Variants in ALK observed in about 807,000 individuals in gnomAD.
ALK encodes the protein ALK tyrosine kinase receptor.
ALK carries 74 observed loss-of-function variants against 163.1 expected under a neutral mutation model. The ratio of observed to expected loss-of-function variants is 0.45; its 90% confidence interval spans 0.38 to 0.55. ALK has a LOEUF of 0.55. Ranked by LOEUF, ALK falls within the 20% of genes least tolerant of loss-of-function variation. The pLI, the probability that ALK is intolerant of heterozygous loss-of-function variation, is 0.00. For synonymous variants in ALK, 960 were observed against 843.2 expected, an observed-to-expected ratio of 1.14 and a Z score of -2.40; for missense variants, 2,063 against 2,105.3, an observed-to-expected ratio of 0.98 and a Z score of 0.39.
chr2:29,612,219 TG>T (rs763676538), intron 3 of ALK, among the ~76,000 whole-genome samples: 1 of 152,214 alleles, frequency 6.6e-6, no homozygotes, highest in Non-Finnish European at 1.5e-5. Flanking sequence ...ATCTCAGTAG[TG>T]TGCTAATAGC....
chr2:29,228,961 C>G lies in ALK; in HGVS notation c.2738G>C (p.Trp913Ser), dbSNP rs1280277994. 1.9e-6 allele frequency: 3 copies of G among 1,603,736 alleles called. No individual in the cohort carries two copies. Among genetic ancestry groups the G allele is most frequent in the South Asian group, 2.2e-5 (2 of 90,744 alleles). ...GAAACCCCCTCTTGTCTCCCACCCC[C>G]ACTTCTTCATGGCCTGGGGGCAGGA... The part of the protein sequence containing the change: ...GHSCPQAMKK[W>S]GWETRGGFGG... The change falls in exon 16 of 29, where the codon TGG becomes TCG. Residue 913 changes from tryptophan to serine, a missense_variant. Trp to Ser is a radical substitution (Grantham distance 177, BLOSUM62 -3). Around this residue, in one of 5 missense-constraint regions of ALK, gnomAD observed 575 missense variants for 626.6 expected, o/e 0.92. Coordinates refer to ENST00000389048, the MANE Select transcript of ALK (RefSeq NM_004304.5).
At chr2:29,472,297 G>C (rs1341646605) in intron 4 of ALK, among the ~76,000 whole-genome samples, 1 of 152,168 alleles carries the variant, frequency 6.6e-6, no homozygotes. Context: ...TGTGAAGCAG[G>C]GGCAAGCCTT....
intron 11 of ALK, among the ~76,000 whole-genome samples, chr2:29,261,006 G>A (rs967783113): frequency 6.6e-6 from 1 of 151,920 alleles, no homozygotes; most frequent in Non-Finnish European, 1.5e-5. Flanking sequence ...CTCCAAGTGG[G>A]CCCTTTCCTG....
In ALK at chr2:29,872,696, G is replaced by A. The variant is rs186632260; in HGVS notation, c.667+47297C>T. Among the ~76,000 whole-genome samples, 915 of 152,290 alleles carry A rather than the reference G, an allele frequency of 6.0e-3. 6 individuals are homozygous for A. Among genetic ancestry groups the A allele is most frequent in the South Asian group, 0.012 (58 of 4,822 alleles). ...TTGAAGTACAGTTTCTACTGACTAC[G>A]TATCACTTTTGCATTATTATAAAGT... On this transcript the variant is annotated intron_variant, in intron 1 of 28. Transcript: ENST00000389048.
At position 29,595,837 on chromosome 2, in the gene ALK, G is replaced by C. The variant is rs184273530; in HGVS notation, c.953-63721C>G. 9.2e-5 allele frequency among the ~76,000 whole-genome samples: 14 copies of C among 152,312 alleles called. No homozygotes were observed. The East Asian group carries it at 2.3e-3, about 25-fold the overall frequency. On this transcript the variant is annotated intron_variant, in intron 3 of 28. Coordinates refer to ENST00000389048, the MANE Select transcript of ALK (RefSeq NM_004304.5). ...GGTAGCTCAGAAGGGGAGGCACAGG[G>C]AATAAGTTTTCTGAAGCTGAGAGAA... is the stretch of plus-strand genomic sequence containing the variant.
Position 29,272,682 on chromosome 2 carries a change from C to T in ALK, c.2041+2417G>A, listed in dbSNP as rs576646251. ...CCCAGCAGAAACTGACAGCTTTGAA[C>T]TTTGGAAAGAAAAATCTTATTATCC... On this transcript the variant is annotated intron_variant, in intron 11 of 28. Coordinates refer to ENST00000389048, the MANE Select transcript of ALK (RefSeq NM_004304.5). Among the ~76,000 whole-genome samples the T allele has an allele frequency of 6.2e-4, 94 of 152,348 alleles. 1 individual carries two copies. The highest frequency in any genetic ancestry group is 2.1e-3 in the African/African-American group (86 of 41,582).
chr2:29,896,363 T>C (rs1206731279), intron 1 of ALK, among the ~76,000 whole-genome samples: 1 of 152,114 alleles, frequency 6.6e-6, no homozygotes, highest in Non-Finnish European at 1.5e-5. Context: ...GTCACGTTCA[T>C]TCATCTGTTG....
intron 3 of ALK, among the ~76,000 whole-genome samples, chr2:29,594,990 G>T (rs1011455296): frequency 1.3e-4 from 20 of 150,308 alleles, no homozygotes; most frequent in Admixed American, 9.4e-4. Context: ...TTATTTACAA[G>T]AAATAATTTT....
chr2:29,785,393 A>G (rs561252033), intron 1 of ALK, among the ~76,000 whole-genome samples: 30 of 152,266 alleles, frequency 2.0e-4, no homozygotes, highest in Middle Eastern at 3.4e-3. Flanking sequence ...TAAAAACACA[A>G]AATTACCTTT....
chr2:29,437,403 A>G (rs1670429530), intron 4 of ALK, among the ~76,000 whole-genome samples: 1 of 152,178 alleles, frequency 6.6e-6, no homozygotes, highest in East Asian at 1.9e-4. Context: ...TGATTCTCCC[A>G]TTAGACACAG....
rs934882063 is a variant in ALK at position 29,576,193 on chromosome 2, G to A, written c.953-44077C>T. ...AGAAATGAATGAAGCAGAGAGCTAGGATGTGCTGAAAAGCAAATCCCTAAA... is the reference window on the plus strand; with the variant it reads ...AGAAATGAATGAAGCAGAGAGCTAGAATGTGCTGAAAAGCAAATCCCTAAA... On this transcript the variant is annotated intron_variant, in intron 3 of 28. Coordinates refer to ENST00000389048, the MANE Select transcript of ALK (RefSeq NM_004304.5). Among the ~76,000 whole-genome samples, 3 of 152,190 alleles carry A rather than the reference G, an allele frequency of 2.0e-5. No homozygotes were observed. In the East Asian group the frequency reaches 5.8e-4, roughly 29 times the overall value.
chr2:29,396,350 T>C (rs1390785293), intron 4 of ALK, among the ~76,000 whole-genome samples: 1 of 152,132 alleles, frequency 6.6e-6, no homozygotes, highest in East Asian at 1.9e-4. Flanking sequence ...GAGGGGTCCA[T>C]TCTACACCCC....
chr2:29,363,544 C>T (rs931306498), intron 5 of ALK, among the ~76,000 whole-genome samples: 2 of 152,212 alleles, frequency 1.3e-5, no homozygotes, highest in Non-Finnish European at 2.9e-5. Flanking sequence ...TGGAGTACCA[C>T]CACTTCTGGA....
At chr2:29,543,315 C>T (rs1275746542) in intron 3 of ALK, among the ~76,000 whole-genome samples, 1 of 152,134 alleles carries the variant, frequency 6.6e-6, no homozygotes, top group Non-Finnish European at 1.5e-5. Flanking sequence ...TGATCAGTCC[C>T]TCACATTTAA....
chr2:29,741,344 G>T (rs1680052916), intron 1 of ALK, among the ~76,000 whole-genome samples: 1 of 152,148 alleles, frequency 6.6e-6, no homozygotes, highest in Admixed American at 6.6e-5. Flanking sequence ...GTCAGCATAG[G>T]TCTGTCAATT....
intron 26 of ALK, among the ~76,000 whole-genome samples, chr2:29,204,053 A>G (rs191859835): frequency 1.2e-4 from 18 of 152,208 alleles, no homozygotes; most frequent in Admixed American, 1.2e-3. Context: ...ATTTAGCTTC[A>G]CACTCCATCC....
At chr2:29,877,053 A>T (rs113758378) in intron 1 of ALK, among the ~76,000 whole-genome samples, 1 of 152,216 alleles carries the variant, frequency 6.6e-6, no homozygotes, top group African/African-American at 2.4e-5. Context: ...AGCTAATCCA[A>T]TCCAACATAT....
intron 3 of ALK, among the ~76,000 whole-genome samples, chr2:29,637,020 C>T (rs1239860831): frequency 1.3e-5 from 2 of 152,290 alleles, no homozygotes; most frequent in Admixed American, 6.5e-5. Context: ...CTCTGGAAGA[C>T]AGTTTGGCAG....
At position 29,232,388 on chromosome 2, in the gene ALK, C is replaced by G. The variant is rs200563480; in HGVS notation, c.2548G>C (p.Gly850Arg). ...IAAGGGGRAY[G>R]AKTDTFHPER... Reference sequence around the variant, plus strand: ...GGGTGGAACGTGTCTGTCTTGGCCCCGTAGGCCCTGCCACCACCTCCGGCT... The same window carrying G: ...GGGTGGAACGTGTCTGTCTTGGCCCGGTAGGCCCTGCCACCACCTCCGGCT... Residue 850 changes from glycine to arginine, a missense_variant, in exon 15 of 29, where the codon GGG (glycine) becomes CGG (arginine). Physicochemically the swap from Gly to Arg is moderately radical, Grantham distance 125. This residue lies in a region of ALK where 575 missense variants were observed against 626.6 expected (regional missense o/e 0.92). Coordinates refer to ENST00000389048, the MANE Select transcript of ALK (RefSeq NM_004304.5). The G allele has an allele frequency of 6.2e-7, 1 of 1,614,252 alleles. No homozygotes were observed. The highest frequency in any genetic ancestry group is 8.5e-7 in the Non-Finnish European group (1 of 1,180,046).
Sources: gnomAD v4.1 joint callset for allele counts (sites outside exome capture counted in the v4.1 genomes callset) on GRCh38, gnomAD v4.1.1 for gene constraint, gnomAD v4.1.1 regional missense constraint, MANE v1.5 for transcripts, NCBI Gene and HGNC (gene_info 2026-07-23, HGNC 2026-07-21) for gene names.